The following CRTC1 variants were observed in gnomAD, a reference collection of about 807,000 sequenced individuals.
The protein encoded by CRTC1 is CREB-regulated transcription coactivator 1.
In CRTC1, 18 loss-of-function variants were observed where a neutral mutation model predicts 66.1. The ratio of observed to expected loss-of-function variants is 0.27; its 90% confidence interval spans 0.19 to 0.40. The LOEUF is 0.40. Ranked by LOEUF, CRTC1 falls within the 10% of genes least tolerant of loss-of-function variation. CRTC1 has a pLI of 1.00. For synonymous variants in CRTC1, 416 were observed against 398.8 expected (o/e 1.04, Z -0.51); for missense variants, 669 against 887.9 (o/e 0.75, Z 3.13).
At chr19:18,685,659 A>G (rs191683294) in intron 1 of CRTC1, among the ~76,000 whole-genome samples, 18 of 152,262 alleles carry the variant, frequency 1.2e-4, no homozygotes, top group African/African-American at 4.1e-4. Context: ...CTCCATTTCA[A>G]AAAAAGAAAA....
chr19:18,685,509 T>A (rs373976923), intron 1 of CRTC1, among the ~76,000 whole-genome samples: 1 of 152,052 alleles, frequency 6.6e-6, no homozygotes, highest in Non-Finnish European at 1.5e-5. Context: ...ATATAAAAAT[T>A]AGCCGGACGT....
At position 18,760,959 on chromosome 19, in the gene CRTC1, T is replaced by G. The variant is rs951757573; in HGVS notation, c.886+731T>G. 2.8e-5 allele frequency among the ~76,000 whole-genome samples: 4 copies of G among 144,766 alleles called. No individual in the cohort carries two copies. Among genetic ancestry groups the G allele is most frequent in the African/African-American group, 1.0e-4 (4 of 38,504 alleles). The allele number at this position is 144,766 out of a possible 152,430, so 95.0% of individuals were successfully genotyped here. A position where few individuals can be genotyped will look rare whatever the true frequency, so the allele number is the denominator to read the frequency against. On this transcript the variant is annotated intron_variant, in intron 8 of 13. Coordinates refer to ENST00000321949, the MANE Select transcript of CRTC1 (RefSeq NM_015321.3). The surrounding 1 kb of genome is among the most constrained non-coding windows in gnomAD (Gnocchi z 6.2). ...ACCTAGAACAGCCACCAGCCATGGC[T>G]TCCTCCACTTGGGACCTCGCACGGC...
chr19:18,761,356 C>A (rs985592855), intron 8 of CRTC1, among the ~76,000 whole-genome samples: 1 of 152,004 alleles, frequency 6.6e-6, no homozygotes, highest in Non-Finnish European at 1.5e-5. Context: ...GGCGTGGCCC[C>A]AACTAGTCCT....
chr19:18,746,282 G>A (rs1300224017), intron 3 of CRTC1, among the ~76,000 whole-genome samples: 3 of 152,170 alleles, frequency 2.0e-5, no homozygotes, highest in South Asian at 2.1e-4. Context: ...CAGGAAGGCC[G>A]TGAGCAGGGA....
intron 9 of CRTC1, among the ~76,000 whole-genome samples, chr19:18,767,612 G>T (rs1194238570): frequency 1.3e-5 from 2 of 152,092 alleles, no homozygotes; most frequent in Non-Finnish European, 2.9e-5. Context: ...CCGCCCCTCG[G>T]CCCCCATGTC....
At chr19:18,776,996 G>A (rs904558048) in intron 13 of CRTC1, among the ~76,000 whole-genome samples, 175 bp from the exon 14 acceptor site, 1 of 152,320 alleles carries the variant, frequency 6.6e-6, no homozygotes, top group East Asian at 1.9e-4. Context: ...GTAGGGTGCT[G>A]AGCAGCATCT....
intron 1 of CRTC1, among the ~76,000 whole-genome samples, chr19:18,687,011 C>CTTTTTTTTTTTTTTTTTTTTTTTTTTTT (rs35032428): frequency 9.7e-6 from 1 of 103,434 alleles, no homozygotes; most frequent in Non-Finnish European, 1.8e-5. Flanking sequence ...GACTGAGAAA[C>CTTTTTTTTTTTTTTTTTTTTTTTTTTTT]TTTTTTTTTT....
intron 5 of CRTC1, among the ~76,000 whole-genome samples, chr19:18,751,634 C>G (rs748964707): frequency 3.3e-5 from 5 of 152,222 alleles, no homozygotes; most frequent in Non-Finnish European, 7.3e-5. Context: ...TGATGCCCAT[C>G]CATCCCGTCG....
chr19:18,766,197 C>T (rs945104225), intron 9 of CRTC1, among the ~76,000 whole-genome samples: 4 of 148,586 alleles, frequency 2.7e-5, no homozygotes, highest in East Asian at 2.0e-4. Context: ...TCTCGGCTCA[C>T]GGCAACCTTG....
chr19:18,759,498 AG>A (rs1401264673), intron 6 of CRTC1, 52 bp from the exon 7 acceptor site: 1 of 1,574,196 alleles, frequency 6.4e-7, no homozygotes, highest in Non-Finnish European at 8.7e-7. Context: ...GCCCAGGAGG[AG>A]GGCCCCACAG....
chr19:18,781,483 G>A lies in CRTC1; in HGVS notation c.*4101G>A, dbSNP rs751069347. On this transcript the variant is annotated 3_prime_UTR_variant, in exon 14 of 14. Transcript: ENST00000321949. ...CTTGGCCTTCCAGGGTCCTGGCCAGGCAGGGGTCAGGCACCCCATACTCTT... is the reference window on the plus strand; with the variant it reads ...CTTGGCCTTCCAGGGTCCTGGCCAGACAGGGGTCAGGCACCCCATACTCTT... The A allele has an allele frequency of 5.2e-5, 12 of 229,358 alleles. No homozygotes were observed. Among genetic ancestry groups the A allele is most frequent in the Non-Finnish European group, 9.5e-5 (11 of 115,716 alleles). The allele number at this position is 229,358 out of a possible 1,614,324, so 14.2% of individuals were successfully genotyped here. A position where few individuals can be genotyped will look rare whatever the true frequency, so the allele number is the denominator to read the frequency against.
chr19:18,743,134 C>G lies in CRTC1; in HGVS notation c.243+108C>G, dbSNP rs1600906988. 4 of 863,480 alleles carry G rather than the reference C, an allele frequency of 4.6e-6. No individual in the cohort carries two copies. The East Asian group carries it at 7.7e-5, about 17-fold the overall frequency. 53.5% of individuals were successfully genotyped at this position (863,480 alleles called of 1,614,324 possible). ...TGGGGTTATCAGACAGTTGGCGGAG[C>G]CCACCCAACCACTGCCTTCTCCTTG... On this transcript the variant is annotated intron_variant, in intron 2 of 13. Coordinates refer to ENST00000321949, the MANE Select transcript of CRTC1 (RefSeq NM_015321.3).
At chr19:18,699,695 G>A (rs527381088) in intron 1 of CRTC1, among the ~76,000 whole-genome samples, 1 of 152,332 alleles carries the variant, frequency 6.6e-6, no homozygotes, top group East Asian at 1.9e-4. Flanking sequence ...GCGGCTCTGA[G>A]CCAAAGCGAA....
rs2055115234 is a variant in CRTC1, at chr19:18,782,141, C to T, written c.*4759C>T. ...GCTCCTCTGTGCCCAGGCTGGCTCT[C>T]CCCCAACCCTAGCATGTATACTCTG... On this transcript the variant is annotated 3_prime_UTR_variant, in exon 14 of 14. Transcript: ENST00000321949. 1 of 226,112 alleles carries T rather than the reference C, an allele frequency of 4.4e-6. No individual in the cohort carries two copies. The highest frequency in any genetic ancestry group is 6.4e-5 in the East Asian group (1 of 15,722). 14.0% of individuals were successfully genotyped at this position (226,112 alleles called of 1,614,324 possible).
chr19:18,755,616 T>TTTC (rs1217257428), intron 6 of CRTC1, among the ~76,000 whole-genome samples: 11 of 133,192 alleles, frequency 8.3e-5, no homozygotes, highest in Non-Finnish European at 1.5e-4. Flanking sequence ...TTTTTTTTTT[T>TTTC]TTCTGAGATG....
chr19:18,703,624 G>A (rs905522743), intron 1 of CRTC1, among the ~76,000 whole-genome samples: 19 of 151,986 alleles, frequency 1.3e-4, no homozygotes, highest in Non-Finnish European at 2.1e-4. Flanking sequence ...CACCATGCCC[G>A]GCTAATTTTT....
intron 1 of CRTC1, among the ~76,000 whole-genome samples, chr19:18,725,780 C>T (rs2053737173): frequency 6.6e-6 from 1 of 152,222 alleles, no homozygotes; most frequent in Non-Finnish European, 1.5e-5. Context: ...TCCCCCAACA[C>T]AGCCTGCATG....
chr19:18,724,281 C>G (rs1027386718), intron 1 of CRTC1, among the ~76,000 whole-genome samples: 2 of 152,014 alleles, frequency 1.3e-5, no homozygotes, highest in African/African-American at 4.8e-5. Context: ...CGCTAGGAGT[C>G]AATTTCATTT....
At chr19:18,713,948 G>A (rs1428800627) in intron 1 of CRTC1, among the ~76,000 whole-genome samples, 4 of 152,204 alleles carry the variant, frequency 2.6e-5, no homozygotes, top group African/African-American at 4.8e-5. Flanking sequence ...GGGAGGGCCT[G>A]CAAGTGTGGA....
Sources: allele counts gnomAD v4.1 joint callset (sites outside exome capture counted in the v4.1 genomes callset), GRCh38; gene constraint gnomAD v4.1.1; non-coding constraint Gnocchi (gnomAD v3.1); transcripts MANE v1.5; gene names NCBI Gene and HGNC (gene_info 2026-07-23, HGNC 2026-07-21).